The following ZDHHC14 variants were observed in gnomAD, a reference collection of about 807,000 sequenced individuals.
The protein encoded by ZDHHC14 is zDHHC palmitoyltransferase 14, also known as palmitoyltransferase ZDHHC14.
ZDHHC14 carries 16 observed loss-of-function variants against 47.7 expected under a neutral mutation model. That is an observed-to-expected ratio of 0.34 (90% confidence interval 0.23 to 0.51). The LOEUF (loss-of-function observed/expected upper bound fraction) is 0.51. ZDHHC14 is among the 20% of genes least tolerant of loss of function. ZDHHC14 has a pLI of 0.97. For synonymous variants in ZDHHC14, 293 were observed against 278.9 expected (o/e 1.05, Z -0.50); for missense variants, 515 against 662.5 (o/e 0.78, Z 2.44).
At chr6:157,389,465 C>T (rs142597828) in intron 1 of ZDHHC14, among the ~76,000 whole-genome samples, 10 of 152,206 alleles carry the variant, frequency 6.6e-5, no homozygotes, top group Non-Finnish European at 1.3e-4. Flanking sequence ...TGCAACAGTC[C>T]GTATTCAGAT....
chr6:157,516,766 G>T (rs1780708040), intron 1 of ZDHHC14, among the ~76,000 whole-genome samples: 1 of 152,130 alleles, frequency 6.6e-6, no homozygotes, highest in South Asian at 2.1e-4. Flanking sequence ...ACCTTCTGTG[G>T]GCCTTCCTGC....
intron 5 of ZDHHC14, among the ~76,000 whole-genome samples, chr6:157,634,471 A>C (rs540770559): frequency 6.6e-6 from 1 of 152,268 alleles, no homozygotes; most frequent in African/African-American, 2.4e-5. Context: ...TCCCCCCACT[A>C]TCACCTCTCT....
intron 3 of ZDHHC14, among the ~76,000 whole-genome samples, chr6:157,608,813 C>T (rs188198729): frequency 9.9e-5 from 15 of 152,280 alleles, no homozygotes; most frequent in African/African-American, 3.1e-4. Flanking sequence ...GATGGTGGCA[C>T]GACAGAGCCA....
intron 3 of ZDHHC14, among the ~76,000 whole-genome samples, chr6:157,610,388 G>T (rs1438398860): frequency 6.6e-6 from 1 of 152,016 alleles, no homozygotes; most frequent in Non-Finnish European, 1.5e-5. Context: ...GCCGAGATCA[G>T]GCCACTGCAC....
intron 5 of ZDHHC14, 80 bp from the exon 6 acceptor site, chr6:157,645,657 G>C (rs1475055685): frequency 1.8e-6 from 2 of 1,083,744 alleles, no homozygotes; most frequent in Non-Finnish European, 2.7e-6. Context: ...TGTGCCCGGG[G>C]GTGTTTCGGT....
intron 7 of ZDHHC14, among the ~76,000 whole-genome samples, chr6:157,648,139 A>G (rs1283334279): frequency 6.6e-6 from 1 of 152,228 alleles, no homozygotes; most frequent in Non-Finnish European, 1.5e-5. Context: ...AGTTCAAAAT[A>G]CAGATTCTTT....
intron 7 of ZDHHC14, 146 bp downstream of exon 7, chr6:157,647,514 C>T (rs553325290): frequency 1.4e-5 from 8 of 555,096 alleles, no homozygotes; most frequent in Admixed American, 9.8e-5. Context: ...TTCGTGAAAT[C>T]GAGATCTGGC....
intron 1 of ZDHHC14, among the ~76,000 whole-genome samples, chr6:157,485,499 T>C (rs1167564133): frequency 6.6e-6 from 1 of 152,226 alleles, no homozygotes; most frequent in Non-Finnish European, 1.5e-5. Flanking sequence ...GTTTATGTGG[T>C]TAGATTTTTG....
At chr6:157,395,522 G>A (rs377109662) in intron 1 of ZDHHC14, among the ~76,000 whole-genome samples, 10 of 151,974 alleles carry the variant, frequency 6.6e-5, no homozygotes, top group South Asian at 2.1e-4. Flanking sequence ...TCCGCCGGGC[G>A]CGGTGGCTCA....
intron 1 of ZDHHC14, among the ~76,000 whole-genome samples, chr6:157,391,381 C>T (rs1399616695): frequency 6.6e-6 from 1 of 152,158 alleles, no homozygotes; most frequent in Non-Finnish European, 1.5e-5. Flanking sequence ...CCTGGAGTAC[C>T]TCAGAATGAC....
chr6:157,674,710 A>G lies in ZDHHC14; in HGVS notation c.*1588A>G, dbSNP rs1778942064. ...AGAAAGAGTTGCCATTTTATATAAAAGAAAAGAAGATAGGAAAAAGAAAAG... is the reference window on the plus strand; with the variant it reads ...AGAAAGAGTTGCCATTTTATATAAAGGAAAAGAAGATAGGAAAAAGAAAAG... On this transcript the variant is annotated 3_prime_UTR_variant, in exon 9 of 9. Coordinates refer to ENST00000359775, the MANE Select transcript of ZDHHC14 (RefSeq NM_024630.3). The G allele has an allele frequency of 6.6e-6, 1 of 152,246 alleles. No individual in the cohort carries two copies. The highest frequency in any genetic ancestry group is 1.5e-5 in the Non-Finnish European group (1 of 68,046). The allele number at this position is 152,246 out of a possible 1,614,324, so 9.4% of individuals were successfully genotyped here.
intron 2 of ZDHHC14, 27 bp downstream of exon 2, chr6:157,542,772 T>C (rs1465013389): frequency 1.2e-6 from 2 of 1,608,980 alleles, no homozygotes; most frequent in Admixed American, 1.7e-5. Flanking sequence ...GCCCATGGCC[T>C]CTGGTCACTT....
chr6:157,671,970 T>G (rs1179322655), intron 8 of ZDHHC14, among the ~76,000 whole-genome samples: 1 of 152,334 alleles, frequency 6.6e-6, no homozygotes, highest in Non-Finnish European at 1.5e-5. Context: ...TCATCTTCCA[T>G]GGCTGGAACT....
At chr6:157,466,290 C>G (rs1779215011) in intron 1 of ZDHHC14, among the ~76,000 whole-genome samples, 1 of 152,136 alleles carries the variant, frequency 6.6e-6, no homozygotes, top group Admixed American at 6.5e-5. Context: ...TGCCATGCAG[C>G]AAGGACAGCT....
At chr6:157,574,470 C>T (rs1783223233) in intron 2 of ZDHHC14, among the ~76,000 whole-genome samples, 1 of 152,094 alleles carries the variant, frequency 6.6e-6, no homozygotes, top group African/African-American at 2.4e-5. Context: ...TTACCTCCAG[C>T]CTAGGCCCTT....
intron 1 of ZDHHC14, among the ~76,000 whole-genome samples, chr6:157,512,077 C>T (rs1440328543): frequency 6.6e-6 from 1 of 152,204 alleles, no homozygotes; most frequent in Non-Finnish European, 1.5e-5. Flanking sequence ...GGCACTGTCA[C>T]AAATGCTTTA....
In ZDHHC14 at chr6:157,673,140, CG is replaced by C. The variant is rs1437587702; in HGVS notation, c.*23del. 1.3e-6 allele frequency: 2 copies of C among 1,550,748 alleles called. No individual in the cohort carries two copies. Among genetic ancestry groups the C allele is most frequent in the Non-Finnish European group, 8.6e-7 (1 of 1,159,090 alleles). ...CCGTGTGACCCACATGGCCCCAGGC[CG>C]GGGGACACCAGAGGCTCCTCCATGG... On this transcript the variant is annotated 3_prime_UTR_variant, in exon 9 of 9. Transcript: ENST00000359775. The surrounding 1 kb of genome is among the most constrained non-coding windows in gnomAD (Gnocchi z 5.4).
At position 157,461,259 on chromosome 6, in the gene ZDHHC14, C is replaced by T. The variant is rs543524218; in HGVS notation, c.245+78993C>T. On this transcript the variant is annotated intron_variant, in intron 1 of 8. Coordinates refer to ENST00000359775, the MANE Select transcript of ZDHHC14 (RefSeq NM_024630.3). ...CCACTGATACAAGGTGAGAAGGGGT[C>T]GGCATGGGGAAAGATGCCTTTGAAA... Among the ~76,000 whole-genome samples, 8 of 152,246 alleles carry T rather than the reference C, an allele frequency of 5.3e-5. 1 individual carries two copies. Among genetic ancestry groups the T allele is most frequent in the African/African-American group, 1.7e-4 (7 of 41,548 alleles).
intron 5 of ZDHHC14, among the ~76,000 whole-genome samples, chr6:157,635,707 C>G (rs891614117): frequency 1.3e-5 from 2 of 152,206 alleles, no homozygotes; most frequent in Non-Finnish European, 2.9e-5. Flanking sequence ...CGGCATCCCC[C>G]TTAGGGGCAC....
Sources: allele counts gnomAD v4.1 joint callset (sites outside exome capture counted in the v4.1 genomes callset), GRCh38; gene constraint gnomAD v4.1.1; non-coding constraint Gnocchi (gnomAD v3.1); transcripts MANE v1.5; gene names NCBI Gene and HGNC (gene_info 2026-07-23, HGNC 2026-07-21).